Variants in RUNX2 observed in about 807,000 individuals in gnomAD.
The protein encoded by RUNX2 is runt-related transcription factor 2.
RUNX2 carries 10 observed loss-of-function variants against 51.7 expected under a neutral mutation model. The observed-to-expected ratio is 0.19, with a 90% CI of 0.12 to 0.33. The LOEUF is 0.33. Among genes scored for constraint, RUNX2 ranks in the 10% least tolerant of loss-of-function variants. RUNX2 has a pLI of 1.00. For synonymous variants in RUNX2, 276 were observed against 273.6 expected, an observed-to-expected ratio of 1.01 and a Z score of -0.09; for missense variants, 562 against 691.3, an observed-to-expected ratio of 0.81 and a Z score of 2.10.
At chr6:45,329,682 A>G (rs984863232) in intron 2 of RUNX2, among the ~76,000 whole-genome samples, 15 of 152,068 alleles carry the variant, frequency 9.9e-5, no homozygotes, top group African/African-American at 3.6e-4. Context: ...TTTAAAAGCC[A>G]CAACTATTAA....
At chr6:45,401,413 T>G (rs1045121356) in intron 2 of RUNX2, among the ~76,000 whole-genome samples, 1 of 152,218 alleles carries the variant, frequency 6.6e-6, no homozygotes, top group Admixed American at 6.5e-5. Context: ...CATGTGAGGC[T>G]ATATTGTACA....
Position 45,341,998 on chromosome 6 carries a change from C to T in RUNX2, c.58+13214C>T, listed in dbSNP as rs116513032. 7.0e-3 allele frequency among the ~76,000 whole-genome samples: 1,064 copies of T among 151,480 alleles called. 20 individuals are homozygous for T. The highest frequency in any genetic ancestry group is 0.025 in the African/African-American group (1,012 of 41,276). ...GGTGATTTAGTAGTTATTAACCTAG[C>T]ATTAAAAAAAAACGGAGACTGGACT... is the stretch of plus-strand genomic sequence containing the variant. On this transcript the variant is annotated intron_variant, in intron 2 of 8. Transcript: ENST00000647337.
intron 7 of RUNX2, among the ~76,000 whole-genome samples, chr6:45,519,181 G>A (rs574356772): frequency 2.6e-5 from 4 of 152,304 alleles, no homozygotes; most frequent in Non-Finnish European, 4.4e-5. Flanking sequence ...CTTCTAAAGA[G>A]TAGAAATGCA....
chr6:45,409,403 A>G (rs1329424259), intron 2 of RUNX2, among the ~76,000 whole-genome samples: 4 of 152,206 alleles, frequency 2.6e-5, no homozygotes, highest in Non-Finnish European at 2.9e-5. Flanking sequence ...GGATACCCAC[A>G]TGGGCTAAGG....
rs557390230 is a variant in RUNX2 at position 45,396,918 on chromosome 6, C to T, written c.59-25675C>T. Among the ~76,000 whole-genome samples the T allele has an allele frequency of 1.3e-4, 20 of 152,226 alleles. 1 individual carries two copies. In the South Asian group the frequency reaches 2.3e-3, roughly 17 times the overall value. On this transcript the variant is annotated intron_variant, in intron 2 of 8. Coordinates refer to ENST00000647337, the MANE Select transcript of RUNX2 (RefSeq NM_001024630.4). The stretch of plus-strand genomic sequence containing the variant: ...ATTTATCCATTCACCAGTTGATGGA[C>T]ATTTGGATCATTTCCACTTTTTGGC...
chr6:45,401,160 T>C (rs1797707373), intron 2 of RUNX2, among the ~76,000 whole-genome samples: 1 of 152,250 alleles, frequency 6.6e-6, no homozygotes, highest in Admixed American at 6.5e-5. Context: ...TCTTAAATTC[T>C]GGATTATCTT....
chr6:45,437,627 T>A (rs186681618), intron 4 of RUNX2, among the ~76,000 whole-genome samples: 93 of 152,308 alleles, frequency 6.1e-4, no homozygotes, highest in Middle Eastern at 3.4e-3. Context: ...TGGAGAAAAC[T>A]GAAAGAAAAA....
chr6:45,488,537 G>T (rs1035048242), intron 5 of RUNX2, among the ~76,000 whole-genome samples: 1 of 152,148 alleles, frequency 6.6e-6, no homozygotes, highest in African/African-American at 2.4e-5. Flanking sequence ...TTGGGCAGTG[G>T]TTCTCAATCC....
chr6:45,331,122 TGTGTGC>T (rs754946676), intron 2 of RUNX2, among the ~76,000 whole-genome samples: 19 of 149,914 alleles, frequency 1.3e-4, no homozygotes, highest in African/African-American at 3.3e-4. Flanking sequence ...TGTGTGTGTG[TGTGTGC>T]GCGCGCGCGC....
rs1802360356 is a variant in RUNX2, at chr6:45,545,203, C to G, written c.1022-14C>G. 6.5e-7 allele frequency: 1 copy of G among 1,537,574 alleles called. No homozygotes were observed. ...CTGGAAGGGAACTTAGAGCTCATCC[C>G]CCTCATTTTACAGATGATGACACTG... On this transcript the variant is annotated splice_polypyrimidine_tract_variant and intron_variant, in intron 7 of 8. Coordinates refer to ENST00000647337, the MANE Select transcript of RUNX2 (RefSeq NM_001024630.4).
intron 2 of RUNX2, among the ~76,000 whole-genome samples, chr6:45,353,058 A>G (rs963514647): frequency 6.6e-6 from 1 of 152,054 alleles, no homozygotes; most frequent in Admixed American, 6.5e-5. Flanking sequence ...CTCTAATAGT[A>G]CAGTAGTTAA....
At chr6:45,467,385 G>A (rs992492891) in intron 5 of RUNX2, among the ~76,000 whole-genome samples, 8 of 152,064 alleles carry the variant, frequency 5.3e-5, no homozygotes, top group Non-Finnish European at 7.4e-5. Flanking sequence ...GGGTTCAAGC[G>A]ATTCACCTAC....
At chr6:45,471,424 C>T (rs569898402) in intron 5 of RUNX2, among the ~76,000 whole-genome samples, 4 of 151,562 alleles carry the variant, frequency 2.6e-5, no homozygotes, top group South Asian at 2.1e-4. Flanking sequence ...CTACATCCCT[C>T]GCCCCAGACA....
chr6:45,533,255 A>G (rs1801919771), intron 7 of RUNX2, among the ~76,000 whole-genome samples: 1 of 152,168 alleles, frequency 6.6e-6, no homozygotes, highest in African/African-American at 2.4e-5. Flanking sequence ...TGCAACAAGG[A>G]AAATTTCGCT....
intron 2 of RUNX2, 100 bp from the exon 3 acceptor site, chr6:45,422,487 CTCGCCT>C: frequency 2.4e-6 from 1 of 421,852 alleles, no homozygotes; most frequent in Non-Finnish European, 4.1e-6. Flanking sequence ...TTCCCCCCGT[CTCGCCT>C]TCACCCCCCC....
chr6:45,503,574 A>G (rs1474524851), intron 6 of RUNX2, among the ~76,000 whole-genome samples: 1 of 152,174 alleles, frequency 6.6e-6, no homozygotes, highest in Non-Finnish European at 1.5e-5. Flanking sequence ...ATCACATCTC[A>G]GTGGCATTTC....
chr6:45,374,774 C>T (rs1796541129), intron 2 of RUNX2, among the ~76,000 whole-genome samples: 2 of 152,178 alleles, frequency 1.3e-5, no homozygotes, highest in African/African-American at 4.8e-5. Flanking sequence ...GGAACCAAAA[C>T]TCAAGCTGCT....
Position 45,422,681 on chromosome 6 carries a change from A to ACAGCAGCAGCAACAGCAGCAGCAG in RUNX2, c.150_173dup (p.Gln64_Gln71dup). On this transcript the variant is annotated inframe_insertion, in exon 3 of 9. Coordinates refer to ENST00000647337, the MANE Select transcript of RUNX2 (RefSeq NM_001024630.4). ...ACGTGAGCCCGGTGGTGGCTGCGCA[A>ACAGCAGCAGCAACAGCAGCAGCAG]CAGCAGCAGCAACAGCAGCAGCAGC... is the stretch of plus-strand genomic sequence containing the variant. 1 of 1,602,462 alleles carries ACAGCAGCAGCAACAGCAGCAGCAG rather than the reference A, an allele frequency of 6.2e-7. No homozygotes were observed.
At chr6:45,335,678 T>C (rs1403420914) in intron 2 of RUNX2, among the ~76,000 whole-genome samples, 1 of 151,286 alleles carries the variant, frequency 6.6e-6, no homozygotes, top group Admixed American at 6.6e-5. Flanking sequence ...CCTGTGAAAG[T>C]ACATAAGCAT....
Sources: allele counts gnomAD v4.1 joint callset (sites outside exome capture counted in the v4.1 genomes callset), GRCh38; gene constraint gnomAD v4.1.1; transcripts MANE v1.5; gene names NCBI Gene and HGNC (gene_info 2026-07-23, HGNC 2026-07-21).